The following CCSER1 variants were observed in gnomAD, a reference collection of about 807,000 sequenced individuals.
CCSER1 encodes coiled-coil serine rich protein 1, also known as serine-rich coiled-coil domain-containing protein 1.
Under a neutral mutation model 82.0 loss-of-function variants are expected in CCSER1, and 41 were observed. The observed-to-expected ratio is 0.50, with a 90% CI of 0.39 to 0.65. CCSER1 has a LOEUF of 0.65. Ranked by LOEUF, CCSER1 falls within the 30% of genes least tolerant of loss-of-function variation. The pLI is 0.00. For missense variants in CCSER1, 1,119 were observed against 1,064.2 expected, an observed-to-expected ratio of 1.05 and a Z score of -0.72; for synonymous variants, 414 against 383.9, an observed-to-expected ratio of 1.08 and a Z score of -0.92.
At chr4:90,662,957 C>T (rs1316782272) in intron 6 of CCSER1, among the ~76,000 whole-genome samples, 1 of 152,078 alleles carries the variant, frequency 6.6e-6, no homozygotes, top group Non-Finnish European at 1.5e-5. Context: ...AATCATATTT[C>T]TAATATCTTA....
At chr4:90,744,717 A>G (rs1261790085) in intron 7 of CCSER1, among the ~76,000 whole-genome samples, 2 of 152,174 alleles carry the variant, frequency 1.3e-5, no homozygotes, top group African/African-American at 4.8e-5. Context: ...TGGAGACATT[A>G]GATTCTCATA....
rs70963096 is a variant in CCSER1, at chr4:90,900,094, G to GTTTTTTTTTTT, written c.2095-23269_2095-23259dup. On this transcript the variant is annotated intron_variant, in intron 8 of 10. Coordinates refer to ENST00000509176, the MANE Select transcript of CCSER1 (RefSeq NM_001145065.2). The stretch of plus-strand genomic sequence containing the variant: ...TGCTGTGAAACCCTCTGGTCCCAGA[G>GTTTTTTTTTTT]TTTTTTTTTTTTTTTTTGTAGATAT... 1.2e-3 allele frequency among the ~76,000 whole-genome samples: 120 copies of GTTTTTTTTTTT among 102,084 alleles called. 4 individuals carry two copies. Among genetic ancestry groups the GTTTTTTTTTTT allele is most frequent in the East Asian group, 3.2e-3 (13 of 4,016 alleles). The allele number at this position is 102,084 out of a possible 152,430, so 67.0% of individuals were successfully genotyped here.
chr4:90,560,871 A>C (rs2153647164), intron 5 of CCSER1, among the ~76,000 whole-genome samples: 1 of 152,298 alleles, frequency 6.6e-6, no homozygotes, highest in African/African-American at 2.4e-5. Flanking sequence ...GGATGTTTGA[A>C]ATTATTTCCA....
At chr4:90,707,529 T>TAA (rs75961345) in intron 6 of CCSER1, among the ~76,000 whole-genome samples, 55 of 144,776 alleles carry the variant, frequency 3.8e-4, no homozygotes, top group Non-Finnish European at 5.4e-4. Context: ...ATTTCTACCT[T>TAA]AAAAAAAAAA....
intron 3 of CCSER1, among the ~76,000 whole-genome samples, chr4:90,374,220 G>A (rs866066874): frequency 1.3e-5 from 2 of 152,212 alleles, no homozygotes; most frequent in Middle Eastern, 3.2e-3. Context: ...TTTGAAGAAA[G>A]TGTATAAGAA....
intron 10 of CCSER1, among the ~76,000 whole-genome samples, chr4:91,477,626 T>C (rs927658357): frequency 2.0e-5 from 3 of 151,736 alleles, no homozygotes; most frequent in African/African-American, 7.2e-5. Flanking sequence ...TGTCAAGTTA[T>C]GGTTATAATG....
chr4:90,533,769 A>G (rs938790077), intron 5 of CCSER1, among the ~76,000 whole-genome samples: 30 of 152,312 alleles, frequency 2.0e-4, no homozygotes, highest in Admixed American at 6.5e-5. Context: ...CTAGTATTCT[A>G]TATCATTGTA....
intron 5 of CCSER1, among the ~76,000 whole-genome samples, chr4:90,517,550 T>C (rs1772453496): frequency 6.6e-6 from 1 of 152,092 alleles, no homozygotes; most frequent in Non-Finnish European, 1.5e-5. Flanking sequence ...CATGAAATAT[T>C]CAAGTGGAAG....
chr4:90,361,898 T>G (rs1204362101), intron 3 of CCSER1, among the ~76,000 whole-genome samples: 1 of 152,178 alleles, frequency 6.6e-6, no homozygotes, highest in Non-Finnish European at 1.5e-5. Context: ...TCCAGGCAAG[T>G]TTATATAGGA....
intron 1 of CCSER1, among the ~76,000 whole-genome samples, chr4:90,229,344 C>T (rs905957031): frequency 3.9e-5 from 6 of 152,058 alleles, no homozygotes; most frequent in African/African-American, 1.4e-4. Context: ...GAATTTTCAA[C>T]CCAGAATTTC....
chr4:91,079,172 C>CA (rs1722388965), intron 9 of CCSER1, among the ~76,000 whole-genome samples: 1 of 151,790 alleles, frequency 6.6e-6, no homozygotes, highest in African/African-American at 2.4e-5. Context: ...TAAGGGCAGC[C>CA]AGACAGGTCA....
intron 5 of CCSER1, among the ~76,000 whole-genome samples, chr4:90,565,250 T>C (rs1779226314): frequency 6.6e-6 from 1 of 151,676 alleles, no homozygotes; most frequent in African/African-American, 2.4e-5. Context: ...TTGGTTAATT[T>C]TACTCCTGAG....
rs1194450739 is a variant in CCSER1 at position 91,153,763 on chromosome 4, G to C, written c.2217+67769G>C. ...GTCAGCTGCAGGTCTGTTGGAGTTT[G>C]CTGGAGGTCCACTCCAGACCCTGTT... On this transcript the variant is annotated intron_variant, in intron 10 of 10. Coordinates refer to ENST00000509176, the MANE Select transcript of CCSER1 (RefSeq NM_001145065.2). Among the ~76,000 whole-genome samples the C allele has an allele frequency of 2.0e-5, 3 of 152,004 alleles. 1 individual carries two copies. The highest frequency in any genetic ancestry group is 2.0e-4 in the Admixed American group (3 of 15,272).
chr4:90,731,503 A>G (rs1035620311), intron 7 of CCSER1, among the ~76,000 whole-genome samples: 7 of 152,198 alleles, frequency 4.6e-5, no homozygotes, highest in Non-Finnish European at 1.0e-4. Context: ...TAAATCAATA[A>G]TTATGGTTTA....
chr4:90,646,955 C>T (rs1727718782), intron 6 of CCSER1, among the ~76,000 whole-genome samples: 1 of 151,952 alleles, frequency 6.6e-6, no homozygotes, highest in African/African-American at 2.4e-5. Context: ...TACCCTCATC[C>T]CCCCACCCCA....
chr4:90,737,206 G>A (rs1214740614), intron 7 of CCSER1, among the ~76,000 whole-genome samples: 2 of 152,134 alleles, frequency 1.3e-5, no homozygotes, highest in African/African-American at 2.4e-5. Context: ...TTGCCAGTGA[G>A]TTTTGTAACT....
chr4:90,394,494 A>T (rs1221495063), intron 3 of CCSER1, among the ~76,000 whole-genome samples: 2 of 152,184 alleles, frequency 1.3e-5, no homozygotes, highest in Non-Finnish European at 2.9e-5. Context: ...TTGGTTTAGT[A>T]TGTAATTTAC....
intron 10 of CCSER1, among the ~76,000 whole-genome samples, chr4:91,156,122 G>T (rs1329907393): frequency 6.6e-6 from 1 of 151,738 alleles, no homozygotes; most frequent in Non-Finnish European, 1.5e-5. Flanking sequence ...TATTGTTTAT[G>T]TTGATAATAT....
intron 10 of CCSER1, among the ~76,000 whole-genome samples, chr4:91,163,821 G>C (rs572358937): frequency 1.3e-5 from 2 of 152,166 alleles, no homozygotes; most frequent in East Asian, 3.9e-4. Context: ...GAGCCTATGT[G>C]TGTCTCTGCA....
Sources: gnomAD v4.1 joint callset for allele counts (sites outside exome capture counted in the v4.1 genomes callset) on GRCh38, gnomAD v4.1.1 for gene constraint, MANE v1.5 for transcripts, NCBI Gene and HGNC (gene_info 2026-07-23, HGNC 2026-07-21) for gene names.